DLX6: variants seen among roughly 807,000 people sequenced by gnomAD.
DLX6 encodes homeobox protein DLX-6.
DLX6 carries 4 observed loss-of-function variants against 33.5 expected under a neutral mutation model. The observed-to-expected ratio is 0.12, with a 90% confidence interval of 0.06 to 0.27. DLX6 has a LOEUF of 0.27. Ranked by LOEUF, DLX6 falls within the 10% of genes least tolerant of loss-of-function variation. The pLI is 1.00. For synonymous variants in DLX6, 184 were observed against 164.8 expected (o/e 1.12, Z -0.89); for missense variants, 382 against 393.3 (o/e 0.97, Z 0.24).
At position 97,010,129 on chromosome 7, in the gene DLX6, C is replaced by A; in HGVS notation, c.*82C>A. 1 of 1,503,884 alleles carries A rather than the reference C, an allele frequency of 6.6e-7. No individual in the cohort carries two copies. Among genetic ancestry groups the A allele is most frequent in the Non-Finnish European group, 9.0e-7 (1 of 1,116,816 alleles). 93.2% of individuals were successfully genotyped at this position (1,503,884 alleles called of 1,614,324 possible). Reference sequence around the variant, plus strand: ...CCTGCTTGTATCTGCGAAAAGGAGCCAAAGGAGCAGGCTTAGGAGAGCTCA... The same window carrying A: ...CCTGCTTGTATCTGCGAAAAGGAGCAAAAGGAGCAGGCTTAGGAGAGCTCA... On this transcript the variant is annotated 3_prime_UTR_variant, in exon 3 of 3. Coordinates refer to ENST00000518156, the MANE Select transcript of DLX6 (RefSeq NM_005222.4).
At position 97,006,309 on chromosome 7, in the gene DLX6, G is replaced by A. The variant is rs1481215928; in HGVS notation, c.332G>A (p.Arg111His). 3 of 1,522,282 alleles carry A rather than the reference G, an allele frequency of 2.0e-6. No individual in the cohort carries two copies. Among genetic ancestry groups the A allele is most frequent in the African/African-American group, 1.4e-5 (1 of 71,016 alleles). The allele number at this position is 1,522,282 out of a possible 1,614,324, so 94.3% of individuals were successfully genotyped here. A position where few individuals can be genotyped will look rare whatever the true frequency, so the allele number is the denominator to read the frequency against. Reference sequence around the variant, plus strand: ...GGCGGAGGGAACTCCTACAACCACCGCTCGCTCGCCGCCTACCCCTACATG... The same window carrying A: ...GGCGGAGGGAACTCCTACAACCACCACTCGCTCGCCGCCTACCCCTACATG... ...ASGGGNSYNHRSLAAYPYMSH... is the reference protein window; with the variant it reads ...ASGGGNSYNHHSLAAYPYMSH... Residue 111 changes from arginine (R) to histidine (H), a missense_variant, in exon 1 of 3, where the codon CGC (arginine) becomes CAC (histidine). Physicochemically the swap from Arg to His is conservative, Grantham distance 29. Transcript: ENST00000518156.
chr7:97,008,931 A>C (rs573821565), intron 2 of DLX6, among the ~76,000 whole-genome samples: 59 of 152,350 alleles, frequency 3.9e-4, no homozygotes, highest in African/African-American at 1.4e-3. Context: ...GGGAATTTTA[A>C]AGGTAAAGGA....
rs752982892 is a variant in DLX6, at chr7:97,006,424, G to A, written c.436+11G>A. ...GAGGGGACGACACAGGTGAGAGGCCGCTGGGGCAGCTCGCTTCTCCCGCCT... is the reference window on the plus strand; with the variant it reads ...GAGGGGACGACACAGGTGAGAGGCCACTGGGGCAGCTCGCTTCTCCCGCCT... On this transcript the variant is annotated intron_variant, in intron 1 of 2. Transcript: ENST00000518156. 1 of 1,314,456 alleles carries A rather than the reference G, an allele frequency of 7.6e-7. No individual in the cohort carries two copies. Among genetic ancestry groups the A allele is most frequent in the Non-Finnish European group, 9.8e-7 (1 of 1,019,280 alleles). The allele number at this position is 1,314,456 out of a possible 1,614,324, so 81.4% of individuals were successfully genotyped here.
chr7:97,009,379 CTAAATT>C (rs1321607709), intron 2 of DLX6, among the ~76,000 whole-genome samples: 3 of 152,146 alleles, frequency 2.0e-5, no homozygotes, highest in Non-Finnish European at 4.4e-5. Flanking sequence ...TTTACATAGA[CTAAATT>C]TACATTACTA....
chr7:97,007,462 C>T, intron 1 of DLX6, 176 bp from the exon 2 acceptor site: 1 of 679,908 alleles, frequency 1.5e-6, no homozygotes, highest in Non-Finnish European at 2.6e-6. Flanking sequence ...AAGGAGATTA[C>T]GCAGACGCTG....
At chr7:97,009,544 C>T (rs895181048) in intron 2 of DLX6, among the ~76,000 whole-genome samples, 5 of 152,070 alleles carry the variant, frequency 3.3e-5, no homozygotes, top group African/African-American at 1.2e-4. Flanking sequence ...TTTAAACCTA[C>T]GCTAGCACGC....
Position 97,007,864 on chromosome 7 carries a change from T to C in DLX6, c.630+33T>C, listed in dbSNP as rs1319369518. 2.6e-6 allele frequency: 4 copies of C among 1,534,134 alleles called. No homozygotes were observed. The Admixed American group carries it at 8.2e-5, about 31-fold the overall frequency. ...CCGAGAAGCCCAAGTATCCCTGAAA[T>C]GCTGGTACCGCTTGCAGATCGGGCA... On this transcript the variant is annotated intron_variant, in intron 2 of 2. Coordinates refer to ENST00000518156, the MANE Select transcript of DLX6 (RefSeq NM_005222.4).
Position 97,006,232 on chromosome 7 carries a change from GCACCAC to G in DLX6, c.270_275del (p.His90_His91del), listed in dbSNP as rs746036175. ...CGGCGGCGGCGGCAGCGGCCGGCTC[GCACCAC>G]CACCACCACCACCAGCACCACCACC... On this transcript the variant is annotated inframe_deletion, in exon 1 of 3. Coordinates refer to ENST00000518156, the MANE Select transcript of DLX6 (RefSeq NM_005222.4). 10 of 1,512,422 alleles carry G rather than the reference GCACCAC, an allele frequency of 6.6e-6. No individual in the cohort carries two copies. The highest frequency in any genetic ancestry group is 5.3e-6 in the Non-Finnish European group (6 of 1,127,168). 93.7% of individuals were successfully genotyped at this position (1,512,422 alleles called of 1,614,324 possible).
chr7:97,009,791 T>C lies in DLX6; in HGVS notation c.631-5T>C, dbSNP rs1218667763. 2 of 1,611,818 alleles carry C rather than the reference T, an allele frequency of 1.2e-6. No homozygotes were observed. The highest frequency in any genetic ancestry group is 3.3e-5 in the Admixed American group (2 of 59,942). ...TGGGCCTAATGATTGCTGCATTTCTTGCAGGTGAAGATATGGTTTCAGAAC... is the reference window on the plus strand; with the variant it reads ...TGGGCCTAATGATTGCTGCATTTCTCGCAGGTGAAGATATGGTTTCAGAAC... On this transcript the variant is annotated splice_polypyrimidine_tract_variant and splice_region_variant and intron_variant, in intron 2 of 2. Transcript: ENST00000518156.
In DLX6 at chr7:97,006,113, C is replaced by T. The variant is rs1013526388; in HGVS notation, c.136C>T (p.Pro46Ser). The T allele has an allele frequency of 6.7e-7, 1 of 1,498,152 alleles. No individual in the cohort carries two copies. Among genetic ancestry groups the T allele is most frequent in the Non-Finnish European group, 9.0e-7 (1 of 1,108,698 alleles). 92.8% of individuals were successfully genotyped at this position (1,498,152 alleles called of 1,614,324 possible). Reference sequence around the variant, plus strand: ...GCAGCAGCAGCAACAGCAACAGCCGCCGCCGCCGCCGCCGCCGCCGCCGCA... The same window carrying T: ...GCAGCAGCAGCAACAGCAACAGCCGTCGCCGCCGCCGCCGCCGCCGCCGCA... ...QQQQQQQQQPPPPPPPPPQPH... is the reference protein window; with the variant it reads ...QQQQQQQQQPSPPPPPPPQPH... The change falls in exon 1 of 3, where the codon CCG (proline) becomes TCG (serine). Residue 46 changes from proline (P) to serine (S), a missense_variant. Pro to Ser is a moderately conservative substitution (Grantham distance 74). Around this residue, in one of 4 missense-constraint regions of DLX6, gnomAD observed 257 missense variants for 206.9 expected, o/e 1.24. Transcript: ENST00000518156.
intron 1 of DLX6, 87 bp downstream of exon 1, chr7:97,006,500 C>T: frequency 4.9e-6 from 6 of 1,219,464 alleles, no homozygotes; most frequent in Non-Finnish European, 4.1e-6. Context: ...ACGCCCGGGC[C>T]TCCGCCGGCC....
Position 97,009,933 on chromosome 7 carries a change from C to A in DLX6, c.768C>A (p.Asp256Glu). The change falls in exon 3 of 3, where the codon GAC (aspartate) becomes GAA (glutamate). Residue 256 changes from aspartate (D) to glutamate (E), a missense_variant. By Grantham distance (45) the Asp-to-Glu change is conservative (BLOSUM62 2). Coordinates refer to ENST00000518156, the MANE Select transcript of DLX6 (RefSeq NM_005222.4). ...CGCCAGCGCTGCCTCCAGTCTGGGA[C>A]GTTTCTGCCTCGGCCAAGGGTGTCA... The part of the protein sequence containing the change: ...PRSPALPPVW[D>E]VSASAKGVSM... The A allele has an allele frequency of 6.2e-7, 1 of 1,613,986 alleles. No individual in the cohort carries two copies.
chr7:97,009,549 G>C (rs1789801735), intron 2 of DLX6, among the ~76,000 whole-genome samples: 1 of 152,126 alleles, frequency 6.6e-6, no homozygotes. Flanking sequence ...ACCTACGCTA[G>C]CACGCAATTC....
chr7:97,005,984 A>T lies in DLX6; in HGVS notation c.7A>T (p.Thr3Ser). 6.3e-7 allele frequency: 1 copy of T among 1,587,122 alleles called. No individual in the cohort carries two copies. Among genetic ancestry groups the T allele is most frequent in the Non-Finnish European group, 8.6e-7 (1 of 1,166,798 alleles). ...CCAGCCCCCAAAGTTTTTGATGATG[A>T]CCATGACTACGATGGCTGACGGCTT... MM[T>S]MTTMADGLEG... Residue 3 changes from threonine to serine, a missense_variant, in exon 1 of 3, where the codon ACC (threonine) becomes TCC (serine). By Grantham distance (58) the Thr-to-Ser change is moderately conservative. This residue lies in a region of DLX6 where 257 missense variants were observed against 206.9 expected (regional missense o/e 1.24). Transcript: ENST00000518156.
rs1789816385 is a variant in DLX6 at position 97,010,143 on chromosome 7, T to A, written c.*96T>A. The A allele has an allele frequency of 4.1e-6, 6 of 1,446,872 alleles. No individual in the cohort carries two copies. The highest frequency in any genetic ancestry group is 4.6e-6 in the Non-Finnish European group (5 of 1,078,714). The allele number at this position is 1,446,872 out of a possible 1,614,324, so 89.6% of individuals were successfully genotyped here. A position where few individuals can be genotyped will look rare whatever the true frequency, so the allele number is the denominator to read the frequency against. On this transcript the variant is annotated 3_prime_UTR_variant, in exon 3 of 3. Transcript: ENST00000518156. ...CGAAAAGGAGCCAAAGGAGCAGGCTTAGGAGAGCTCATAAGTGTGGCAAGA... is the reference window on the plus strand; with the variant it reads ...CGAAAAGGAGCCAAAGGAGCAGGCTAAGGAGAGCTCATAAGTGTGGCAAGA...
At chr7:97,008,812 C>G (rs780274603) in intron 2 of DLX6, among the ~76,000 whole-genome samples, 2 of 152,130 alleles carry the variant, frequency 1.3e-5, no homozygotes, top group Non-Finnish European at 2.9e-5. Context: ...TCAATTTAGC[C>G]TGTTTTCTCT....
rs1789834216 is a variant in DLX6, at chr7:97,010,926, T to C, written c.*879T>C. ...GAATTGGTGGCATTCACAAAGCTAATAGGGACGTTTATATCAAGAAACATT... is the reference window on the plus strand; with the variant it reads ...GAATTGGTGGCATTCACAAAGCTAACAGGGACGTTTATATCAAGAAACATT... On this transcript the variant is annotated 3_prime_UTR_variant, in exon 3 of 3. Transcript: ENST00000518156. The C allele has an allele frequency of 6.7e-6, 1 of 148,982 alleles. No homozygotes were observed. Among genetic ancestry groups the C allele is most frequent in the African/African-American group, 2.5e-5 (1 of 40,262 alleles). 9.2% of individuals were successfully genotyped at this position (148,982 alleles called of 1,614,324 possible). A position where few individuals can be genotyped will look rare whatever the true frequency, so the allele number is the denominator to read the frequency against.
At position 97,006,283 on chromosome 7, in the gene DLX6, G is replaced by A; in HGVS notation, c.306G>A (p.Ser102=). The change falls in exon 1 of 3, where the codon TCG becomes TCA. Residue 102 remains serine (S), a synonymous_variant. Coordinates refer to ENST00000518156, the MANE Select transcript of DLX6 (RefSeq NM_005222.4). ...QHHHHGSPYA[S]GGGNSYNHRS... Reference sequence around the variant, plus strand: ...ACCACCACGGCTCGCCCTACGCGTCGGGCGGAGGGAACTCCTACAACCACC... The same window carrying A: ...ACCACCACGGCTCGCCCTACGCGTCAGGCGGAGGGAACTCCTACAACCACC... The A allele has an allele frequency of 2.0e-6, 3 of 1,530,134 alleles. No homozygotes were observed. Among genetic ancestry groups the A allele is most frequent in the Non-Finnish European group, 1.8e-6 (2 of 1,136,444 alleles). The allele number at this position is 1,530,134 out of a possible 1,614,324, so 94.8% of individuals were successfully genotyped here. A position where few individuals can be genotyped will look rare whatever the true frequency, so the allele number is the denominator to read the frequency against.
chr7:97,006,269 T>C lies in DLX6; in HGVS notation c.292T>C (p.Ser98Pro). ...HHHHQHHHHGSPYASGGGNSY... is the reference protein window; with the variant it reads ...HHHHQHHHHGPPYASGGGNSY... Reference sequence around the variant, plus strand: ...CCACCACCAGCACCACCACCACGGCTCGCCCTACGCGTCGGGCGGAGGGAA... The same window carrying C: ...CCACCACCAGCACCACCACCACGGCCCGCCCTACGCGTCGGGCGGAGGGAA... The change falls in exon 1 of 3, where the codon TCG (serine) becomes CCG (proline). Residue 98 changes from serine (S) to proline (P), a missense_variant. Physicochemically the swap from Ser to Pro is moderately conservative, Grantham distance 74 (BLOSUM62 -1). Transcript: ENST00000518156. The C allele has an allele frequency of 6.5e-7, 1 of 1,528,526 alleles. No homozygotes were observed. The highest frequency in any genetic ancestry group is 8.8e-7 in the Non-Finnish European group (1 of 1,135,748). The allele number at this position is 1,528,526 out of a possible 1,614,324, so 94.7% of individuals were successfully genotyped here. A position where few individuals can be genotyped will look rare whatever the true frequency, so the allele number is the denominator to read the frequency against.
Sources: allele counts gnomAD v4.1 joint callset (sites outside exome capture counted in the v4.1 genomes callset), GRCh38; gene constraint gnomAD v4.1.1; regional missense constraint gnomAD v4.1.1; transcripts MANE v1.5; gene names NCBI Gene and HGNC (gene_info 2026-07-23, HGNC 2026-07-21).